KHDRBS3: variants seen among roughly 807,000 people sequenced by gnomAD.
KHDRBS3 encodes the protein KH RNA binding domain containing, signal transduction associated 3.
KHDRBS3 carries 23 observed loss-of-function variants against 45.6 expected under a neutral mutation model. That is an observed-to-expected ratio of 0.50 (90% CI 0.36 to 0.72). KHDRBS3 has a LOEUF of 0.72. Ranked by LOEUF, KHDRBS3 falls within the 30% of genes least tolerant of loss-of-function variation. KHDRBS3 has a pLI of 0.00. For synonymous variants in KHDRBS3, 162 were observed against 156.5 expected (o/e 1.04, Z -0.26); for missense variants, 352 against 424.8 (o/e 0.83, Z 1.51).
chr8:135,536,118 C>A (rs1825733818), intron 2 of KHDRBS3, among the ~76,000 whole-genome samples: 1 of 151,952 alleles, frequency 6.6e-6, no homozygotes, highest in East Asian at 1.9e-4. Context: ...TGCTAGCCCA[C>A]CCCAGATGAG....
chr8:135,513,249 T>C (rs939606463), intron 1 of KHDRBS3, among the ~76,000 whole-genome samples: 1 of 151,856 alleles, frequency 6.6e-6, no homozygotes, highest in Admixed American at 6.6e-5. Flanking sequence ...TCTAGGTTGC[T>C]CAAGAGATAT....
intron 1 of KHDRBS3, among the ~76,000 whole-genome samples, chr8:135,504,077 C>G (rs1224366059): frequency 6.6e-6 from 1 of 152,162 alleles, no homozygotes; most frequent in Non-Finnish European, 1.5e-5. Context: ...AGCCTTCTGA[C>G]TTGCTTTTTG....
intron 7 of KHDRBS3, among the ~76,000 whole-genome samples, chr8:135,610,597 A>G (rs994110640): frequency 1.1e-4 from 16 of 152,070 alleles, no homozygotes; most frequent in African/African-American, 3.9e-4. Flanking sequence ...ACAATGTAAT[A>G]TTCTAATTAT....
At chr8:135,498,071 G>A (rs1279395710) in intron 1 of KHDRBS3, among the ~76,000 whole-genome samples, 1 of 152,052 alleles carries the variant, frequency 6.6e-6, no homozygotes, top group African/African-American at 2.4e-5. Context: ...TTCATTAAAG[G>A]ATGATGCATG....
chr8:135,496,860 T>C (rs144925746), intron 1 of KHDRBS3, among the ~76,000 whole-genome samples: 94 of 152,328 alleles, frequency 6.2e-4, no homozygotes, highest in Middle Eastern at 3.4e-3. Context: ...AGCTTGCCTG[T>C]TGCTTGCCCG....
rs749093786 is a variant in KHDRBS3 at position 135,581,886 on chromosome 8, G to A, written c.620G>A (p.Gly207Glu). 1.9e-6 allele frequency: 3 copies of A among 1,593,954 alleles called. No individual in the cohort carries two copies. The highest frequency in any genetic ancestry group is 2.3e-5 in the South Asian group (2 of 88,480). Residue 207 changes from glycine to glutamate, a missense_variant, in exon 6 of 9, where the codon GGA becomes GAA. Gly to Glu is a moderately conservative substitution (Grantham distance 98). Transcript: ENST00000355849. ...GACTCTCTTGGTTACAGGGGAAGGGGAGGAGTTACAGCCCGGCCAGTTGGA... is the reference window on the plus strand; with the variant it reads ...GACTCTCTTGGTTACAGGGGAAGGGAAGGAGTTACAGCCCGGCCAGTTGGA... ...VPAPAITRGR[G>E]GVTARPVGVV...
At chr8:135,589,229 C>T (rs189212097) in intron 6 of KHDRBS3, among the ~76,000 whole-genome samples, 4 of 152,230 alleles carry the variant, frequency 2.6e-5, no homozygotes, top group East Asian at 1.9e-4. Context: ...TGCTCCAGCT[C>T]GTTCCTTTCC....
At chr8:135,525,204 C>A (rs1157136076) in intron 2 of KHDRBS3, among the ~76,000 whole-genome samples, 1 of 152,136 alleles carries the variant, frequency 6.6e-6, no homozygotes, top group Non-Finnish European at 1.5e-5. Flanking sequence ...TGGTTGGATT[C>A]AGGGTATAAA....
At chr8:135,578,647 T>C (rs1828059847) in intron 5 of KHDRBS3, among the ~76,000 whole-genome samples, 1 of 152,170 alleles carries the variant, frequency 6.6e-6, no homozygotes, top group African/African-American at 2.4e-5. Flanking sequence ...AAATTATATA[T>C]TATGAGTCTT....
In KHDRBS3 at chr8:135,600,873, A is replaced by AT. The variant is rs574562890; in HGVS notation, c.808-6075dup. Among the ~76,000 whole-genome samples the AT allele has an allele frequency of 6.0e-3, 912 of 152,048 alleles. 7 individuals are homozygous for AT. Among genetic ancestry groups the AT allele is most frequent in the Non-Finnish European group, 0.01 (690 of 67,974 alleles). On this transcript the variant is annotated intron_variant, in intron 6 of 8. Coordinates refer to ENST00000355849, the MANE Select transcript of KHDRBS3 (RefSeq NM_006558.3). ...ACCACCATGCCTGGCTAAGTTTTGT[A>AT]TTTTTTTAGTAGAGACCAGATTTCT...
At chr8:135,631,334 G>GT (rs1830594860) in intron 7 of KHDRBS3, among the ~76,000 whole-genome samples, 1 of 149,064 alleles carries the variant, frequency 6.7e-6, no homozygotes, top group Admixed American at 6.7e-5. Context: ...ATAAACTTTA[G>GT]TTTTTTAACT....
intron 6 of KHDRBS3, among the ~76,000 whole-genome samples, chr8:135,586,011 A>G (rs1346706059): frequency 1.3e-5 from 2 of 152,212 alleles, no homozygotes; most frequent in East Asian, 1.9e-4. Context: ...ACAGGTTACA[A>G]ATGAATAAGA....
intron 3 of KHDRBS3, among the ~76,000 whole-genome samples, chr8:135,547,441 T>C (rs1826365738): frequency 6.6e-6 from 1 of 152,184 alleles, no homozygotes; most frequent in East Asian, 1.9e-4. Context: ...AATAAACAGA[T>C]TTTGCAAATT....
At chr8:135,521,190 T>G (rs1451837196) in intron 1 of KHDRBS3, 47 bp from the exon 2 acceptor site, 8 of 1,153,742 alleles carry the variant, frequency 6.9e-6, no homozygotes, top group Non-Finnish European at 1.0e-5. Flanking sequence ...ACCCAGCCCC[T>G]GCATTTCTGA....
intron 2 of KHDRBS3, among the ~76,000 whole-genome samples, chr8:135,535,999 T>C (rs1825727024): frequency 6.6e-6 from 1 of 152,136 alleles, no homozygotes; most frequent in African/African-American, 2.4e-5. Flanking sequence ...TTATTTTCTT[T>C]AATTTTCTCT....
intron 6 of KHDRBS3, among the ~76,000 whole-genome samples, chr8:135,592,565 A>G (rs1253024083): frequency 9.2e-5 from 14 of 152,252 alleles, no homozygotes; most frequent in Admixed American, 9.2e-4. Flanking sequence ...TTCATAGAAC[A>G]CGGTCTCTGC....
chr8:135,639,743 G>A (rs774860147), intron 7 of KHDRBS3, among the ~76,000 whole-genome samples: 8 of 152,292 alleles, frequency 5.3e-5, no homozygotes, highest in Admixed American at 1.3e-4. Context: ...GAGTGGGAGC[G>A]GAGAAAGAAC....
intron 7 of KHDRBS3, among the ~76,000 whole-genome samples, chr8:135,635,723 C>T (rs1398774078): frequency 1.3e-5 from 2 of 152,178 alleles, no homozygotes; most frequent in Non-Finnish European, 2.9e-5. Flanking sequence ...GTAACGTAGA[C>T]TCTAAAACCA....
At chr8:135,641,098 C>G (rs1402420921) in intron 7 of KHDRBS3, among the ~76,000 whole-genome samples, 1 of 152,170 alleles carries the variant, frequency 6.6e-6, no homozygotes, top group African/African-American at 2.4e-5. Context: ...CTAAGATTGT[C>G]TCATCACCAA....
Sources: allele counts gnomAD v4.1 joint callset (sites outside exome capture counted in the v4.1 genomes callset), GRCh38; gene constraint gnomAD v4.1.1; transcripts MANE v1.5; gene names NCBI Gene and HGNC (gene_info 2026-07-23, HGNC 2026-07-21).